TESK2: variants seen among roughly 807,000 people sequenced by gnomAD.
TESK2 encodes the protein dual specificity testis-specific protein kinase 2.
Under a neutral mutation model 57.1 loss-of-function variants are expected in TESK2, and 39 were observed. The observed-to-expected ratio is 0.68, with a 90% CI of 0.53 to 0.89. The LOEUF is 0.89. Among genes scored for constraint, TESK2 ranks in the 40% least tolerant of loss-of-function variants. TESK2 has a pLI of 0.00. For synonymous variants in TESK2, 249 were observed against 267.9 expected (o/e 0.93, Z 0.69); for missense variants, 646 against 732.1 (o/e 0.88, Z 1.36).
At chr1:45,419,131 C>T (rs1650360608) in intron 3 of TESK2, among the ~76,000 whole-genome samples, 1 of 151,974 alleles carries the variant, frequency 6.6e-6, no homozygotes, top group Non-Finnish European at 1.5e-5. Flanking sequence ...GTGCATGCCA[C>T]CACACCCAGC....
chr1:45,468,254 A>G (rs1449663627), intron 1 of TESK2, among the ~76,000 whole-genome samples: 5 of 152,282 alleles, frequency 3.3e-5, no homozygotes, highest in Admixed American at 3.3e-4. Flanking sequence ...CTAAAGTAAT[A>G]CTAATGATTA....
At chr1:45,362,177 G>C (rs1266870975) in intron 4 of TESK2, among the ~76,000 whole-genome samples, 1 of 152,134 alleles carries the variant, frequency 6.6e-6, no homozygotes, top group Non-Finnish European at 1.5e-5. Flanking sequence ...AGAAGTGTGA[G>C]AAATAAATTT....
rs561451596 is a variant in TESK2, at chr1:45,380,851, A to G, written c.393+5061T>C. ...AGAAAGTATCTTTTCCAAATAACCC[A>G]GAATACATAAAAAGTGAGTCAGAAT... On this transcript the variant is annotated intron_variant, in intron 4 of 10. Coordinates refer to ENST00000372086, the MANE Select transcript of TESK2 (RefSeq NM_007170.3). Among the ~76,000 whole-genome samples, 5 of 152,364 alleles carry G rather than the reference A, an allele frequency of 3.3e-5. No homozygotes were observed. The South Asian group carries it at 1.0e-3, about 32-fold the overall frequency.
At chr1:45,400,524 G>C (rs1649555661) in intron 3 of TESK2, among the ~76,000 whole-genome samples, 1 of 152,190 alleles carries the variant, frequency 6.6e-6, no homozygotes, top group South Asian at 2.1e-4. Flanking sequence ...TCACTCCCCT[G>C]TGATATAACA....
At chr1:45,483,496 G>A (rs1371222505) in intron 1 of TESK2, among the ~76,000 whole-genome samples, 1 of 151,984 alleles carries the variant, frequency 6.6e-6, no homozygotes. Context: ...TACTCGGGAG[G>A]CTGAAGAGGG....
chr1:45,361,578 G>A (rs1647688143), intron 4 of TESK2, among the ~76,000 whole-genome samples: 1 of 152,252 alleles, frequency 6.6e-6, no homozygotes, highest in African/African-American at 2.4e-5. Flanking sequence ...ATTTGTGTTT[G>A]ATACTTGGTT....
intron 1 of TESK2, among the ~76,000 whole-genome samples, chr1:45,486,090 C>CCACTG (rs1292540154): frequency 1.3e-5 from 2 of 152,178 alleles, no homozygotes; most frequent in Non-Finnish European, 2.9e-5. Flanking sequence ...TCTGAAACAG[C>CCACTG]CACTGCCTGT....
chr1:45,449,551 GGATA>G (rs1262433590), intron 2 of TESK2, among the ~76,000 whole-genome samples: 1 of 152,110 alleles, frequency 6.6e-6, no homozygotes, highest in Non-Finnish European at 1.5e-5. Flanking sequence ...AAAGCATGGA[GGATA>G]GATTAATTAA....
intron 3 of TESK2, among the ~76,000 whole-genome samples, chr1:45,390,856 C>T (rs1034636085): frequency 6.6e-6 from 1 of 151,740 alleles, no homozygotes; most frequent in Non-Finnish European, 1.5e-5. Flanking sequence ...AATCCTCCCA[C>T]CTCAGCTTCC....
At chr1:45,397,472 G>T (rs1008686241) in intron 3 of TESK2, among the ~76,000 whole-genome samples, 2 of 152,198 alleles carry the variant, frequency 1.3e-5, no homozygotes, top group African/African-American at 4.8e-5. Context: ...GCAGCTTACA[G>T]ATCCCGATTA....
At chr1:45,469,316 G>A (rs1419461902) in intron 1 of TESK2, among the ~76,000 whole-genome samples, 1 of 152,106 alleles carries the variant, frequency 6.6e-6, no homozygotes, top group Non-Finnish European at 1.5e-5. Flanking sequence ...ATATGCTTCT[G>A]GAAATAATAA....
At chr1:45,379,228 G>A (rs943630324) in intron 4 of TESK2, among the ~76,000 whole-genome samples, 3 of 152,302 alleles carry the variant, frequency 2.0e-5, no homozygotes, top group Admixed American at 2.0e-4. Context: ...TGCAGTGGCA[G>A]AATCCTAGCT....
In TESK2 at chr1:45,349,799, G is replaced by T. The variant is rs971099730; in HGVS notation, c.541-1799C>A. 2.0e-5 allele frequency among the ~76,000 whole-genome samples: 3 copies of T among 152,352 alleles called. No individual in the cohort carries two copies. In the Middle Eastern group the frequency reaches 0.01, roughly 518 times the overall value. ...CCCAGAAGGAGCTTGGCAAAAGTGT[G>T]TTAAATGAAAGTTTAGTCTGATGAC... is the stretch of plus-strand genomic sequence containing the variant. On this transcript the variant is annotated intron_variant, in intron 5 of 10. Coordinates refer to ENST00000372086, the MANE Select transcript of TESK2 (RefSeq NM_007170.3).
At chr1:45,363,043 G>A (rs572298720) in intron 4 of TESK2, among the ~76,000 whole-genome samples, 1 of 152,160 alleles carries the variant, frequency 6.6e-6, no homozygotes, top group Non-Finnish European at 1.5e-5. Context: ...AGCAAGAATG[G>A]AAAGGAGGTT....
intron 2 of TESK2, among the ~76,000 whole-genome samples, chr1:45,439,980 G>A (rs1651376143): frequency 1.3e-5 from 2 of 148,262 alleles, no homozygotes; most frequent in Admixed American, 1.3e-4. Context: ...TTTTTTTTGA[G>A]ACAGAGTATC....
intron 2 of TESK2, among the ~76,000 whole-genome samples, chr1:45,424,750 G>A (rs979208649): frequency 1.3e-5 from 2 of 152,146 alleles, no homozygotes; most frequent in Non-Finnish European, 2.9e-5. Flanking sequence ...TGGGATGTAA[G>A]GATAGTTCAA....
chr1:45,420,976 G>A (rs1570712566), intron 3 of TESK2, among the ~76,000 whole-genome samples: 1 of 152,170 alleles, frequency 6.6e-6, no homozygotes, highest in Admixed American at 6.5e-5. Context: ...TTATTAAAAA[G>A]TGACAATTAC....
intron 1 of TESK2, among the ~76,000 whole-genome samples, chr1:45,480,012 G>A (rs1053352401): frequency 2.1e-4 from 31 of 151,214 alleles, no homozygotes; most frequent in African/African-American, 5.3e-4. Context: ...TAGTAGAGAC[G>A]TGATTTCACC....
chr1:45,368,607 TCAGGTGATCCA>T (rs766466893), intron 4 of TESK2, among the ~76,000 whole-genome samples: 18 of 152,064 alleles, frequency 1.2e-4, no homozygotes, highest in Non-Finnish European at 2.6e-4. Flanking sequence ...ACTCCTGACC[TCAGGTGATCCA>T]CCTGCCTCGG....
Sources: gnomAD v4.1 joint callset for allele counts (sites outside exome capture counted in the v4.1 genomes callset) on GRCh38, gnomAD v4.1.1 for gene constraint, MANE v1.5 for transcripts, NCBI Gene and HGNC (gene_info 2026-07-23, HGNC 2026-07-21) for gene names.